Variants in HLCS observed in about 807,000 individuals in gnomAD.
HLCS encodes biotin--protein ligase.
A neutral mutation model predicts 75.0 loss-of-function variants in HLCS; 53 were observed. The observed-to-expected ratio is 0.71, with a 90% confidence interval of 0.57 to 0.89. The LOEUF (loss-of-function observed/expected upper bound fraction) is 0.89. HLCS is among the 40% of genes least tolerant of loss of function. The pLI is 0.00. For synonymous variants in HLCS, 431 were observed against 428.6 expected (o/e 1.01, Z -0.07); for missense variants, 966 against 1,074.0 (o/e 0.90, Z 1.41).
intron 6 of HLCS, among the ~76,000 whole-genome samples, chr21:36,826,598 A>T (rs538966028): frequency 1.3e-5 from 2 of 152,308 alleles, no homozygotes; most frequent in South Asian, 4.1e-4. Flanking sequence ...CCCACCACAT[A>T]TCCCCCTCAT....
chr21:36,779,165 A>T (rs2060451771), intron 6 of HLCS, among the ~76,000 whole-genome samples: 1 of 151,702 alleles, frequency 6.6e-6, no homozygotes, highest in Non-Finnish European at 1.5e-5. Context: ...ATTGGCCTCC[A>T]TATACATGGG....
At chr21:36,824,992 T>TGAAA (rs1026385821) in intron 6 of HLCS, among the ~76,000 whole-genome samples, 1 of 152,188 alleles carries the variant, frequency 6.6e-6, no homozygotes, top group Admixed American at 6.5e-5. Context: ...AACTTCTTTT[T>TGAAA]GAAAGAAAGA....
At chr21:36,976,691 ACT>A (rs150201229) in intron 1 of HLCS, among the ~76,000 whole-genome samples, 1,855 of 152,162 alleles carry the variant, frequency 0.012, 36 homozygotes, top group African/African-American at 0.043. Flanking sequence ...GTTTCAAAGA[ACT>A]CTCTGTACTA....
intron 6 of HLCS, among the ~76,000 whole-genome samples, chr21:36,847,028 A>G (rs889813989): frequency 1.3e-5 from 2 of 152,240 alleles, no homozygotes; most frequent in African/African-American, 4.8e-5. Context: ...GCACTGCTTC[A>G]GCCATCCAGC....
chr21:36,816,674 G>A (rs1303447926), intron 6 of HLCS, among the ~76,000 whole-genome samples: 2 of 152,156 alleles, frequency 1.3e-5, no homozygotes, highest in Non-Finnish European at 2.9e-5. Context: ...AGTTGTATGG[G>A]TAAGCCAATG....
intron 4 of HLCS, among the ~76,000 whole-genome samples, chr21:36,934,959 T>C (rs1250391435): frequency 6.6e-6 from 1 of 152,208 alleles, no homozygotes; most frequent in African/African-American, 2.4e-5. Flanking sequence ...TATTGCCTTT[T>C]TTTTCTAGGG....
At chr21:36,790,985 CAGA>C (rs2060843939) in intron 6 of HLCS, among the ~76,000 whole-genome samples, 2 of 152,288 alleles carry the variant, frequency 1.3e-5, no homozygotes, top group East Asian at 3.9e-4. Flanking sequence ...GCTTTGTAAA[CAGA>C]AGAAAATGAA....
intron 5 of HLCS, among the ~76,000 whole-genome samples, chr21:36,918,657 G>C (rs1177888038): frequency 1.3e-5 from 2 of 152,244 alleles, no homozygotes; most frequent in Non-Finnish European, 2.9e-5. Flanking sequence ...CTCATGTTTA[G>C]TTCTGAAAGA....
chr21:36,835,710 C>T (rs16994521), intron 6 of HLCS, among the ~76,000 whole-genome samples: 5,509 of 152,220 alleles, frequency 0.036, 147 homozygotes, highest in African/African-American at 0.074. Flanking sequence ...TAAGATGCTG[C>T]CACACACCCT....
At chr21:36,886,843 T>C (rs2064489181) in intron 6 of HLCS, among the ~76,000 whole-genome samples, 1 of 152,052 alleles carries the variant, frequency 6.6e-6, no homozygotes, top group Non-Finnish European at 1.5e-5. Context: ...AAGTCAGCAG[T>C]CAGCAGGGTC....
chr21:36,946,739 G>C (rs1213329878), intron 2 of HLCS, among the ~76,000 whole-genome samples: 1 of 152,098 alleles, frequency 6.6e-6, no homozygotes. Context: ...AGAAACTCCA[G>C]AATTTTCATT....
rs145303501 is a variant in HLCS, at chr21:36,788,880, G to A, written c.1893-21595C>T. On this transcript the variant is annotated intron_variant, in intron 6 of 10. Transcript: ENST00000674895. The stretch of plus-strand genomic sequence containing the variant: ...TGGGGCACTTTTTTGCGGGGGAAGG[G>A]GCAGAAAGATTAGGAATACATTCTT... Among the ~76,000 whole-genome samples the A allele has an allele frequency of 2.2e-3, 329 of 152,200 alleles. 14 individuals are homozygous for A. The highest frequency in any genetic ancestry group is 0.021 in the Admixed American group (319 of 15,276).
Position 36,756,613 on chromosome 21 carries a change from T to C in HLCS, c.2379A>G (p.Lys793=), listed in dbSNP as rs2089607051. 3.1e-6 allele frequency: 5 copies of C among 1,614,042 alleles called. No individual in the cohort carries two copies. The highest frequency in any genetic ancestry group is 4.2e-6 in the Non-Finnish European group (5 of 1,180,042). The change falls in exon 10 of 11, where the codon AAA becomes AAG. Residue 793 remains lysine, a synonymous_variant. Coordinates refer to ENST00000674895, the MANE Select transcript of HLCS (RefSeq NM_001352514.2). ...CTTTGTCCTGAAACTCTTTGATCAG[T>C]TTCTCCAGCACAGTCACGACTCTGG... ...LIARVVTVLE[K]LIKEFQDKGP... is the part of the protein sequence containing the mutation.
At chr21:36,912,607 A>G (rs1653877998) in intron 5 of HLCS, among the ~76,000 whole-genome samples, 1 of 152,194 alleles carries the variant, frequency 6.6e-6, no homozygotes, top group Non-Finnish European at 1.5e-5. Context: ...TGTAATTTAC[A>G]CCACTGAATC....
chr21:36,865,677 G>T (rs1256453722), intron 6 of HLCS, among the ~76,000 whole-genome samples: 1 of 152,186 alleles, frequency 6.6e-6, no homozygotes, highest in Non-Finnish European at 1.5e-5. Context: ...ATAGTAAACT[G>T]TGATAGAAAA....
At chr21:36,853,296 CA>C (rs1260264814) in intron 6 of HLCS, among the ~76,000 whole-genome samples, 2 of 152,200 alleles carry the variant, frequency 1.3e-5, no homozygotes, top group Admixed American at 1.3e-4. Context: ...TCTCCTTAAA[CA>C]ACTGCCTTTC....
chr21:36,889,567 T>C (rs574785941), intron 6 of HLCS, among the ~76,000 whole-genome samples: 4 of 152,170 alleles, frequency 2.6e-5, no homozygotes, highest in Non-Finnish European at 5.9e-5. Flanking sequence ...CAGACTGAAC[T>C]CTGGGAGGGG....
At chr21:36,939,271 AG>A (rs2067032626) in intron 2 of HLCS, among the ~76,000 whole-genome samples, 1 of 152,232 alleles carries the variant, frequency 6.6e-6, no homozygotes, top group African/African-American at 2.4e-5. Context: ...TAAAAGATAA[AG>A]GGACATTCCC....
chr21:36,825,027 A>G (rs965640275), intron 6 of HLCS, among the ~76,000 whole-genome samples: 4 of 152,230 alleles, frequency 2.6e-5, no homozygotes, highest in African/African-American at 2.4e-5. Flanking sequence ...AAAATGTTCA[A>G]TGTAGCTTCA....
Sources: gnomAD v4.1 joint callset for allele counts (sites outside exome capture counted in the v4.1 genomes callset) on GRCh38, gnomAD v4.1.1 for gene constraint, MANE v1.5 for transcripts, NCBI Gene and HGNC (gene_info 2026-07-23, HGNC 2026-07-21) for gene names.